ASCC3: variants seen among roughly 807,000 people sequenced by gnomAD.
The protein encoded by ASCC3 is activating signal cointegrator 1 complex subunit 3.
Under a neutral mutation model 256.3 loss-of-function variants are expected in ASCC3, and 158 were observed. That is an observed-to-expected ratio of 0.62 (90% confidence interval 0.54 to 0.70). The LOEUF (loss-of-function observed/expected upper bound fraction) is 0.70. ASCC3 is among the 30% of genes least tolerant of loss of function. ASCC3 has a pLI of 0.00. For synonymous variants in ASCC3, 948 were observed against 883.4 expected (o/e 1.07, Z -1.30); for missense variants, 2,259 against 2,626.0 (o/e 0.86, Z 3.05).
intron 10 of ASCC3, among the ~76,000 whole-genome samples, chr6:100,756,025 A>G (rs1781164621): frequency 6.6e-6 from 1 of 152,004 alleles, no homozygotes; most frequent in Non-Finnish European, 1.5e-5. Context: ...GATTTTTAAG[A>G]TTCATATATG....
intron 36 of ASCC3, among the ~76,000 whole-genome samples, chr6:100,568,918 C>T (rs1001194902): frequency 5.9e-5 from 9 of 151,778 alleles, no homozygotes; most frequent in South Asian, 4.2e-4. Flanking sequence ...ACTGGGACTA[C>T]GGGCACCCGC....
chr6:100,771,565 G>T (rs9390683), intron 8 of ASCC3, among the ~76,000 whole-genome samples: 142,825 of 151,926 alleles, frequency 0.94, 67,455 homozygotes, highest in South Asian at 0.99. Flanking sequence ...CAACAGTAAA[G>T]AAAACAAGCA....
intron 3 of ASCC3, among the ~76,000 whole-genome samples, chr6:100,849,881 C>A (rs1772573737): frequency 6.6e-6 from 1 of 151,914 alleles, no homozygotes; most frequent in Non-Finnish European, 1.5e-5. Context: ...GGGTGGATCA[C>A]CTGAGGTCAG....
chr6:100,530,313 G>A, intron 37 of ASCC3: 1 of 1,436,610 alleles, frequency 7.0e-7, no homozygotes, highest in Non-Finnish European at 9.8e-7. Context: ...GATAAAGTTT[G>A]TCAGTTTATG....
rs142155397 is a variant in ASCC3, at chr6:100,554,927, A to G, written c.5551-14540T>C. Among the ~76,000 whole-genome samples, 21 of 152,106 alleles carry G rather than the reference A, an allele frequency of 1.4e-4. 1 individual carries two copies. Among genetic ancestry groups the G allele is most frequent in the African/African-American group, 5.1e-4 (21 of 41,544 alleles). On this transcript the variant is annotated intron_variant, in intron 36 of 41. Transcript: ENST00000369162. ...TTTCTATATATTATCAAATATATATAGTTAGCATTGTTTTTAACACTTATG... is the reference window on the plus strand; with the variant it reads ...TTTCTATATATTATCAAATATATATGGTTAGCATTGTTTTTAACACTTATG...
chr6:100,756,932 T>G (rs1207665638), intron 10 of ASCC3, among the ~76,000 whole-genome samples: 2 of 152,084 alleles, frequency 1.3e-5, no homozygotes, highest in Non-Finnish European at 2.9e-5. Flanking sequence ...TATGACGAAA[T>G]ACATTTTTGA....
chr6:100,715,428 T>G (rs775613861), intron 13 of ASCC3, 34 bp downstream of exon 13: 2 of 1,557,716 alleles, frequency 1.3e-6, no homozygotes, highest in Non-Finnish European at 1.8e-6. Context: ...TAAAAGCAGA[T>G]AAATAAGTGT....
chr6:100,869,808 T>C (rs912116028), intron 1 of ASCC3, among the ~76,000 whole-genome samples: 1 of 152,278 alleles, frequency 6.6e-6, no homozygotes, highest in Middle Eastern at 3.4e-3. Context: ...AAGGATAGGA[T>C]AAGATCTTCC....
intron 37 of ASCC3, among the ~76,000 whole-genome samples, chr6:100,533,300 T>C (rs769525909): frequency 6.6e-6 from 1 of 152,156 alleles, no homozygotes; most frequent in Admixed American, 6.5e-5. Flanking sequence ...TACATAAAGC[T>C]TTGAATATAG....
rs1332826510 is a variant in ASCC3 at position 100,848,395 on chromosome 6, T to A, written c.554A>T (p.Asn185Ile). Residue 185 changes from asparagine (N) to isoleucine (I), a missense_variant, in exon 4 of 42, where the codon AAT becomes ATT. Transcript: ENST00000369162. Reference protein sequence around the residue: ...DLDHFDELPINGETQKTISLD... With the variant: ...DLDHFDELPIIGETQKTISLD... ...GCTTATAGTTTTCTGAGTTTCACCATTTATTGGCAGTTCGTCAAAGTGGTC... is the reference window on the plus strand; with the variant it reads ...GCTTATAGTTTTCTGAGTTTCACCAATTATTGGCAGTTCGTCAAAGTGGTC... 1.2e-6 allele frequency: 2 copies of A among 1,613,488 alleles called. No homozygotes were observed. The highest frequency in any genetic ancestry group is 2.7e-5 in the African/African-American group (2 of 74,854).
intron 37 of ASCC3, among the ~76,000 whole-genome samples, chr6:100,524,486 T>C (rs1416756879): frequency 6.6e-6 from 1 of 152,136 alleles, no homozygotes; most frequent in African/African-American, 2.4e-5. Flanking sequence ...AGCACTGTGA[T>C]AAAATTATGT....
chr6:100,538,319 C>T (rs1775271086), intron 37 of ASCC3, among the ~76,000 whole-genome samples: 1 of 152,028 alleles, frequency 6.6e-6, no homozygotes, highest in African/African-American at 2.4e-5. Context: ...GACTAATAAG[C>T]AGTAGCAAAT....
intron 4 of ASCC3, among the ~76,000 whole-genome samples, chr6:100,841,967 C>A (rs1428021913): frequency 1.3e-5 from 2 of 152,168 alleles, no homozygotes; most frequent in East Asian, 3.9e-4. Flanking sequence ...AAATACCACA[C>A]TGGATGGAGA....
Position 100,765,223 on chromosome 6 carries a change from A to G in ASCC3, c.1737+1342T>C, listed in dbSNP as rs145625935. 2.1e-4 allele frequency among the ~76,000 whole-genome samples: 32 copies of G among 152,310 alleles called. 1 individual carries two copies. The highest frequency in any genetic ancestry group is 7.5e-4 in the African/African-American group (31 of 41,556). On this transcript the variant is annotated intron_variant, in intron 10 of 41. Transcript: ENST00000369162. The stretch of plus-strand genomic sequence containing the variant: ...TAAGACAGTTGTTTTAAGCCACTGT[A>G]GACCAATGATAAAATTCTAAGCCCC...
chr6:100,640,252 T>C (rs1183051084), intron 24 of ASCC3, among the ~76,000 whole-genome samples: 2 of 152,158 alleles, frequency 1.3e-5, no homozygotes, highest in Non-Finnish European at 2.9e-5. Flanking sequence ...AAACTGCATA[T>C]TGCATATTTA....
chr6:100,530,499 C>A lies in ASCC3; in HGVS notation c.5775+9664G>T, dbSNP rs1774815343. The A allele has an allele frequency of 6.3e-6, 5 of 788,868 alleles. No individual in the cohort carries two copies. In the South Asian group the frequency reaches 6.7e-5, roughly 11 times the overall value. The allele number at this position is 788,868 out of a possible 1,614,324, so 48.9% of individuals were successfully genotyped here. Reference sequence around the variant, plus strand: ...ACAACTGTACAATAGAGACAAAGATCCTCAAAATGAGAATAAAATTGGAAT... The same window carrying A: ...ACAACTGTACAATAGAGACAAAGATACTCAAAATGAGAATAAAATTGGAAT... On this transcript the variant is annotated intron_variant, in intron 37 of 41. Transcript: ENST00000369162.
In ASCC3 at chr6:100,508,397, T is replaced by G. The variant is rs1773601365; in HGVS notation, c.*989A>C. ...ACTAGAATGCATATTATATGAACATTGAATTTTAACAAGTTTTTAGTTTGA... is the reference window on the plus strand; with the variant it reads ...ACTAGAATGCATATTATATGAACATGGAATTTTAACAAGTTTTTAGTTTGA... On this transcript the variant is annotated 3_prime_UTR_variant, in exon 42 of 42. Coordinates refer to ENST00000369162, the MANE Select transcript of ASCC3 (RefSeq NM_006828.4). The G allele has an allele frequency of 6.6e-6, 1 of 152,140 alleles. No homozygotes were observed. Among genetic ancestry groups the G allele is most frequent in the Non-Finnish European group, 1.5e-5 (1 of 68,004 alleles). 9.4% of individuals were successfully genotyped at this position (152,140 alleles called of 1,614,324 possible).
intron 36 of ASCC3, among the ~76,000 whole-genome samples, chr6:100,563,419 C>T (rs534982003): frequency 7.2e-5 from 11 of 152,090 alleles, no homozygotes; most frequent in African/African-American, 2.4e-4. Context: ...AAAAGTTATA[C>T]GATTCACCTC....
At position 100,864,115 on chromosome 6, in the gene ASCC3, G is replaced by C. The variant is rs777070209; in HGVS notation, c.190C>G (p.Gln64Glu). The C allele has an allele frequency of 2.1e-5, 34 of 1,596,342 alleles. No homozygotes were observed. In the Admixed American group the frequency reaches 2.3e-4, roughly 11 times the overall value. ...LNEKLEKSKM[Q>E]SINEDLKDIL... Reference sequence around the variant, plus strand: ...TCTTTTAAGTCTTCATTTATACTTTGCATTTTACTCTTCTCCAGTTTTTCA... The same window carrying C: ...TCTTTTAAGTCTTCATTTATACTTTCCATTTTACTCTTCTCCAGTTTTTCA... The change falls in exon 3 of 42, where the codon CAA (glutamine) becomes GAA (glutamate). Residue 64 changes from glutamine to glutamate, a missense_variant. Physicochemically the swap from Gln to Glu is conservative, Grantham distance 29. Transcript: ENST00000369162.
Sources: allele counts gnomAD v4.1 joint callset (sites outside exome capture counted in the v4.1 genomes callset), GRCh38; gene constraint gnomAD v4.1.1; transcripts MANE v1.5; gene names NCBI Gene and HGNC (gene_info 2026-07-23, HGNC 2026-07-21).